GRAMD1C: variants seen among roughly 807,000 people sequenced by gnomAD.
GRAMD1C encodes protein Aster-C.
Under a neutral mutation model 97.8 loss-of-function variants are expected in GRAMD1C, and 89 were observed. That is an observed-to-expected ratio of 0.91 (90% confidence interval 0.77 to 1.09). GRAMD1C has a LOEUF of 1.09. Ranked by LOEUF, GRAMD1C falls within the 50% of genes least tolerant of loss-of-function variation. The pLI, the probability that GRAMD1C is intolerant of heterozygous loss-of-function variation, is 0.00. For synonymous variants in GRAMD1C, 256 were observed against 267.0 expected (o/e 0.96, Z 0.40); for missense variants, 740 against 766.4 (o/e 0.97, Z 0.41).
chr3:113,945,736 G>A lies in GRAMD1C; in HGVS notation c.*258G>A. On this transcript the variant is annotated 3_prime_UTR_variant, in exon 18 of 18. Coordinates refer to ENST00000358160, the MANE Select transcript of GRAMD1C (RefSeq NM_017577.5). ...GAACCATGAAATATATTATAGAACT[G>A]AATTTCTCTGATACAAAAAGAAAAT... 1 of 372,230 alleles carries A rather than the reference G, an allele frequency of 2.7e-6. No homozygotes were observed. Among genetic ancestry groups the A allele is most frequent in the Non-Finnish European group, 4.8e-6 (1 of 207,154 alleles). 23.1% of individuals were successfully genotyped at this position (372,230 alleles called of 1,614,324 possible). A position where few individuals can be genotyped will look rare whatever the true frequency, so the allele number is the denominator to read the frequency against.
intron 5 of GRAMD1C, among the ~76,000 whole-genome samples, chr3:113,879,901 C>T (rs1377770710): frequency 6.6e-6 from 1 of 151,936 alleles, no homozygotes; most frequent in Non-Finnish European, 1.5e-5. Context: ...ACCATGTTGG[C>T]CAGGCTGGTC....
At chr3:113,890,203 G>T (rs1008993279) in intron 6 of GRAMD1C, among the ~76,000 whole-genome samples, 2 of 152,292 alleles carry the variant, frequency 1.3e-5, no homozygotes, top group African/African-American at 2.4e-5. Flanking sequence ...AGCTGGTGTG[G>T]GTGAGGGGGC....
intron 2 of GRAMD1C, among the ~76,000 whole-genome samples, chr3:113,859,510 G>C (rs1934283906): frequency 6.6e-6 from 1 of 152,030 alleles, no homozygotes; most frequent in Admixed American, 6.6e-5. Context: ...AGTCTATTTT[G>C]GTAATGTTCC....
chr3:113,852,005 A>C (rs1396641197), intron 2 of GRAMD1C, among the ~76,000 whole-genome samples: 1 of 152,118 alleles, frequency 6.6e-6, no homozygotes, highest in African/African-American at 2.4e-5. Context: ...GGTAGCTGGG[A>C]TGAGAGGTGC....
intron 17 of GRAMD1C, among the ~76,000 whole-genome samples, chr3:113,943,837 C>T (rs994027638): frequency 6.6e-6 from 1 of 152,126 alleles, no homozygotes; most frequent in Non-Finnish European, 1.5e-5. Flanking sequence ...TTGTTTGAAC[C>T]CAGGAGGCGG....
At chr3:113,896,729 AT>A (rs2107437981) in intron 6 of GRAMD1C, among the ~76,000 whole-genome samples, 1 of 152,342 alleles carries the variant, frequency 6.6e-6, no homozygotes, top group African/African-American at 2.4e-5. Context: ...CTGCCATTGT[AT>A]AAAATGATGA....
chr3:113,900,707 T>A (rs1936136949), intron 6 of GRAMD1C, among the ~76,000 whole-genome samples: 1 of 151,920 alleles, frequency 6.6e-6, no homozygotes, highest in East Asian at 1.9e-4. Flanking sequence ...ATTACAGGCG[T>A]GAGTCACTGT....
chr3:113,929,010 A>G (rs1559820907), intron 10 of GRAMD1C, among the ~76,000 whole-genome samples: 1 of 152,200 alleles, frequency 6.6e-6, no homozygotes, highest in Non-Finnish European at 1.5e-5. Context: ...GCTGCATCAT[A>G]TAGTAATTCA....
chr3:113,933,703 TA>T (rs1559824375), intron 12 of GRAMD1C, 50 bp downstream of exon 12: 9 of 1,301,114 alleles, frequency 6.9e-6, no homozygotes, highest in Non-Finnish European at 8.7e-6. Context: ...TATGTCCTGG[TA>T]ATTTATTCAT....
chr3:113,895,307 G>A (rs1369640174), intron 6 of GRAMD1C, among the ~76,000 whole-genome samples: 4 of 152,168 alleles, frequency 2.6e-5, no homozygotes, highest in South Asian at 2.1e-4. Flanking sequence ...CTTCCCCACC[G>A]TGCATTAGTG....
At chr3:113,940,370 A>G (rs1435630936) in intron 17 of GRAMD1C, 25 bp downstream of exon 17, 1 of 1,119,304 alleles carries the variant, frequency 8.9e-7, no homozygotes, top group East Asian at 2.3e-5. Flanking sequence ...ACATCACAGT[A>G]CTTAGTATCT....
intron 6 of GRAMD1C, among the ~76,000 whole-genome samples, chr3:113,898,684 A>T (rs910273841): frequency 6.6e-6 from 1 of 152,120 alleles, no homozygotes; most frequent in Admixed American, 6.5e-5. Flanking sequence ...TGTTAGATAT[A>T]TATTATTTCC....
intron 5 of GRAMD1C, among the ~76,000 whole-genome samples, chr3:113,880,218 A>G (rs1935206752): frequency 6.6e-6 from 1 of 152,166 alleles, no homozygotes; most frequent in Non-Finnish European, 1.5e-5. Context: ...AAACAGTTTC[A>G]AAACTAACAT....
chr3:113,866,924 G>T (rs1262751485), intron 2 of GRAMD1C, among the ~76,000 whole-genome samples: 1 of 151,972 alleles, frequency 6.6e-6, no homozygotes, highest in Non-Finnish European at 1.5e-5. Context: ...CGCCCTCCGA[G>T]TTCAAGGGAT....
In GRAMD1C at chr3:113,838,791, C is replaced by T; in HGVS notation, c.-119C>T. 2 of 644,762 alleles carry T rather than the reference C, an allele frequency of 3.1e-6. No individual in the cohort carries two copies. The highest frequency in any genetic ancestry group is 4.4e-6 in the Non-Finnish European group (2 of 456,182). The allele number at this position is 644,762 out of a possible 1,614,324, so 39.9% of individuals were successfully genotyped here. On this transcript the variant is annotated 5_prime_UTR_variant, in exon 1 of 18. Coordinates refer to ENST00000358160, the MANE Select transcript of GRAMD1C (RefSeq NM_017577.5). ...GCAAGGAGCTGCGGCTGGAAGTACT[C>T]GGAGGGCCGGCGGAGGAGGCGCGCG... is the stretch of plus-strand genomic sequence containing the variant.
rs949165679 is a variant in GRAMD1C at position 113,838,812 on chromosome 3, G to C, written c.-98G>C. The C allele has an allele frequency of 1.1e-3, 923 of 874,450 alleles. 2 individuals carry two copies. The highest frequency in any genetic ancestry group is 1.3e-3 in the Non-Finnish European group (861 of 665,172). The allele number at this position is 874,450 out of a possible 1,614,324, so 54.2% of individuals were successfully genotyped here. On this transcript the variant is annotated 5_prime_UTR_variant, in exon 1 of 18. Coordinates refer to ENST00000358160, the MANE Select transcript of GRAMD1C (RefSeq NM_017577.5). Reference sequence around the variant, plus strand: ...TACTCGGAGGGCCGGCGGAGGAGGCGCGCGGAGCCTGTAACTCGCAGCGCG... The same window carrying C: ...TACTCGGAGGGCCGGCGGAGGAGGCCCGCGGAGCCTGTAACTCGCAGCGCG...
intron 6 of GRAMD1C, chr3:113,890,532 G>A: frequency 2.0e-6 from 1 of 512,032 alleles, no homozygotes; most frequent in Non-Finnish European, 3.4e-6. Flanking sequence ...GTCACTTTCA[G>A]ATTCATTGTC....
In GRAMD1C at chr3:113,850,668, C is replaced by T. The variant is rs149136522; in HGVS notation, c.174+6019C>T. ...GGCATGTGGACGTCCTTCTTGGCCA[C>T]CATGACTCCCTCCTTAAAAAGGAGT... On this transcript the variant is annotated intron_variant, in intron 2 of 17. Transcript: ENST00000358160. 29 of 1,601,648 alleles carry T rather than the reference C, an allele frequency of 1.8e-5. No homozygotes were observed. In the African/African-American group the frequency reaches 2.9e-4, roughly 16 times the overall value.
chr3:113,936,072 C>G (rs980363512), intron 13 of GRAMD1C, among the ~76,000 whole-genome samples, 194 bp from the exon 14 acceptor site: 3 of 152,074 alleles, frequency 2.0e-5, no homozygotes, highest in African/African-American at 4.8e-5. Flanking sequence ...CACATTCTTC[C>G]TGGAATAATG....
Sources: allele counts gnomAD v4.1 joint callset (sites outside exome capture counted in the v4.1 genomes callset), GRCh38; gene constraint gnomAD v4.1.1; transcripts MANE v1.5; gene names NCBI Gene and HGNC (gene_info 2026-07-23, HGNC 2026-07-21).